SLC8A1: variants seen among roughly 807,000 people sequenced by gnomAD.
SLC8A1 encodes the protein solute carrier family 8 member A1, also known as sodium/calcium exchanger 1.
SLC8A1 carries 18 observed loss-of-function variants against 68.3 expected under a neutral mutation model. The observed-to-expected ratio is 0.26, with a 90% CI of 0.18 to 0.39. SLC8A1 has a LOEUF of 0.39. SLC8A1 is among the 10% of genes least tolerant of loss of function. The probability of loss-of-function intolerance (pLI) is 1.00; values close to 1 mark genes in which losing one functional copy is unlikely to be tolerated. For missense variants in SLC8A1, 985 were observed against 1,156.7 expected (o/e 0.85, Z 2.15); for synonymous variants, 475 against 415.5 (o/e 1.14, Z -1.74).
intron 2 of SLC8A1, among the ~76,000 whole-genome samples, chr2:40,219,735 T>G (rs939360347): frequency 2.0e-5 from 3 of 152,200 alleles, no homozygotes; most frequent in African/African-American, 7.2e-5. Context: ...TAATGATTTT[T>G]AAGTTTGAGA....
chr2:40,269,195 G>A (rs2065725697), intron 2 of SLC8A1, among the ~76,000 whole-genome samples: 1 of 152,134 alleles, frequency 6.6e-6, no homozygotes, highest in Non-Finnish European at 1.5e-5. Context: ...CTTTATTATA[G>A]AAATTATAGG....
At chr2:40,486,226 C>A (rs796604812) in intron 1 of SLC8A1, among the ~76,000 whole-genome samples, 3 of 152,290 alleles carry the variant, frequency 2.0e-5, no homozygotes, top group African/African-American at 7.2e-5. Context: ...GAGGTCTCCC[C>A]AGCTATGCTG....
chr2:40,332,573 A>G (rs2076530399), intron 2 of SLC8A1, among the ~76,000 whole-genome samples: 1 of 152,158 alleles, frequency 6.6e-6, no homozygotes, highest in Admixed American at 6.5e-5. Flanking sequence ...GGGAGAAAAA[A>G]GGCTGGTGAG....
chr2:40,406,075 A>T (rs867845723), intron 2 of SLC8A1, among the ~76,000 whole-genome samples: 13 of 152,312 alleles, frequency 8.5e-5, no homozygotes, highest in Middle Eastern at 3.4e-3. Context: ...CCACTAGTGG[A>T]AAAATGCAGT....
At chr2:40,412,835 T>C (rs905276820) in intron 2 of SLC8A1, among the ~76,000 whole-genome samples, 2 of 152,206 alleles carry the variant, frequency 1.3e-5, no homozygotes, top group African/African-American at 2.4e-5. Context: ...TTTGGTATTA[T>C]TGATTCCATC....
chr2:40,461,898 G>T (rs1233822908), intron 1 of SLC8A1, among the ~76,000 whole-genome samples: 1 of 150,882 alleles, frequency 6.6e-6, no homozygotes, highest in Non-Finnish European at 1.5e-5. Flanking sequence ...AAGAAATCTA[G>T]TGTTGATTTA....
intron 1 of SLC8A1, among the ~76,000 whole-genome samples, chr2:40,433,059 A>T (rs1576453263): frequency 6.6e-6 from 1 of 152,246 alleles, no homozygotes; most frequent in South Asian, 2.1e-4. Context: ...TGTCTCCAAG[A>T]CTGATATAAC....
At chr2:40,216,125 G>C (rs930097887) in intron 2 of SLC8A1, among the ~76,000 whole-genome samples, 1 of 151,506 alleles carries the variant, frequency 6.6e-6, no homozygotes, top group Non-Finnish European at 1.5e-5. Context: ...TGCTGCACCT[G>C]TTGACCCATC....
At chr2:40,337,654 C>T (rs569136040) in intron 2 of SLC8A1, among the ~76,000 whole-genome samples, 2 of 152,200 alleles carry the variant, frequency 1.3e-5, no homozygotes, top group South Asian at 2.1e-4. Context: ...ACCTTTCCCC[C>T]TAGGTTTCCA....
At chr2:40,468,818 A>G (rs546612862) in intron 1 of SLC8A1, among the ~76,000 whole-genome samples, 1 of 152,120 alleles carries the variant, frequency 6.6e-6, no homozygotes, top group Admixed American at 6.6e-5. Flanking sequence ...GCTCACGACT[A>G]TAATCCCAGC....
intron 2 of SLC8A1, among the ~76,000 whole-genome samples, chr2:40,221,204 C>T (rs573978804): frequency 7.2e-5 from 11 of 152,102 alleles, no homozygotes; most frequent in Non-Finnish European, 1.2e-4. Flanking sequence ...AGCTTCATCC[C>T]TGGGATGCAA....
At chr2:40,266,777 T>C (rs1400733790) in intron 2 of SLC8A1, among the ~76,000 whole-genome samples, 2 of 152,190 alleles carry the variant, frequency 1.3e-5, no homozygotes, top group African/African-American at 4.8e-5. Context: ...TGGACCACTA[T>C]TTTCTGTATC....
At chr2:40,102,803 A>T (rs1369935572) in exon 8 of SLC8A1, 1 of 152,162 alleles carries the variant, frequency 6.6e-6, no homozygotes, top group Non-Finnish European at 1.5e-5. Context: ...TTCCTAATCA[A>T]ATCTGAAATG....
intron 2 of SLC8A1, among the ~76,000 whole-genome samples, chr2:40,405,511 T>C (rs1284945764): frequency 6.6e-6 from 1 of 152,202 alleles, no homozygotes; most frequent in Non-Finnish European, 1.5e-5. Flanking sequence ...TCCGACTAAC[T>C]AGAATTCTTG....
intron 2 of SLC8A1, among the ~76,000 whole-genome samples, chr2:40,186,194 T>C (rs1283495043): frequency 6.6e-6 from 1 of 152,226 alleles, no homozygotes; most frequent in Non-Finnish European, 1.5e-5. Context: ...ATGATTATAA[T>C]CATAAGGAGG....
In SLC8A1 at chr2:40,463,855, C is replaced by T. The variant is rs554481731; in HGVS notation, c.-24-33551G>A. Among the ~76,000 whole-genome samples, 332 of 132,182 alleles carry T rather than the reference C, an allele frequency of 2.5e-3. 3 individuals carry two copies. The highest frequency in any genetic ancestry group is 3.5e-3 in the Middle Eastern group (1 of 286). 86.7% of individuals were successfully genotyped at this position (132,182 alleles called of 152,430 possible). ...ACACACACATACACACACACACACA[C>T]ACACACACACACACACACACACACA... On this transcript the variant is annotated intron_variant, in intron 1 of 7. Transcript: ENST00000402441.
At chr2:40,429,870 C>T in exon 2 of SLC8A1, 2 of 1,613,328 alleles carry the variant, frequency 1.2e-6, no homozygotes, top group Non-Finnish European at 1.7e-6. Flanking sequence ...CCATCAAGGT[C>T]AGGTTAGAAA....
chr2:40,354,203 A>G (rs778264648), intron 2 of SLC8A1, among the ~76,000 whole-genome samples: 1 of 152,228 alleles, frequency 6.6e-6, no homozygotes, highest in Non-Finnish European at 1.5e-5. Context: ...GCAATGAAGT[A>G]TGATTTTAAG....
At chr2:40,204,923 T>C (rs930272614) in intron 2 of SLC8A1, among the ~76,000 whole-genome samples, 4 of 152,050 alleles carry the variant, frequency 2.6e-5, no homozygotes, top group African/African-American at 4.8e-5. Flanking sequence ...GGCTACCATA[T>C]TGAATGGTAC....
Sources: gnomAD v4.1 joint callset for allele counts (sites outside exome capture counted in the v4.1 genomes callset) on GRCh38, gnomAD v4.1.1 for gene constraint, MANE v1.5 for transcripts, NCBI Gene and HGNC (gene_info 2026-07-23, HGNC 2026-07-21) for gene names.